Variants in KIF1C observed in about 807,000 individuals in gnomAD.
KIF1C encodes the protein kinesin-like protein KIF1C.
A neutral mutation model predicts 126.5 loss-of-function variants in KIF1C; 61 were observed. That is an observed-to-expected ratio of 0.48 (90% CI 0.39 to 0.60). The LOEUF (loss-of-function observed/expected upper bound fraction) is 0.60, where lower values mean the gene tolerates loss of function less well. Among genes scored for constraint, KIF1C ranks in the 20% least tolerant of loss-of-function variants. The pLI is 0.00. For synonymous variants in KIF1C, 640 were observed against 580.6 expected (o/e 1.10, Z -1.47); for missense variants, 1,315 against 1,489.2 (o/e 0.88, Z 1.93).
chr17:5,020,055 A>T lies in KIF1C; in HGVS notation c.1726A>T (p.Thr576Ser). ...AETYVNGKLV[T>S]EPLVLKSGNR... ...GACATATGTGAATGGGAAGCTTGTG[A>T]CGGAGCCGCTGGTGCTGAAGTCAGG... is the stretch of plus-strand genomic sequence containing the variant. Residue 576 changes from threonine (T) to serine (S), a missense_variant, in exon 19 of 23, where the codon ACG (threonine) becomes TCG (serine). This residue lies in a region of KIF1C where 874 missense variants were observed against 1,053.2 expected (regional missense o/e 0.83). Transcript: ENST00000320785. The surrounding 1 kb of genome is among the most constrained non-coding windows in gnomAD (Gnocchi z 5.8). The T allele has an allele frequency of 6.3e-7, 1 of 1,599,986 alleles. No homozygotes were observed. Among genetic ancestry groups the T allele is most frequent in the East Asian group, 2.3e-5 (1 of 44,382 alleles).
In KIF1C at chr17:5,002,966, T is replaced by C. The variant is rs563854502; in HGVS notation, c.720+124T>C. 30 of 701,566 alleles carry C rather than the reference T, an allele frequency of 4.3e-5. No homozygotes were observed. The South Asian group carries it at 4.9e-4, about 11-fold the overall frequency. The allele number at this position is 701,566 out of a possible 1,614,324, so 43.5% of individuals were successfully genotyped here. On this transcript the variant is annotated intron_variant, in intron 8 of 22. Transcript: ENST00000320785. ...GCTGGGTTGAGTGCCTCCTCAGGAC[T>C]ACCATGACCGCGCCCCACCCCTACC...
Position 5,023,154 on chromosome 17 carries a change from A to G in KIF1C, c.2629-314A>G, listed in dbSNP as rs186544931. Among the ~76,000 whole-genome samples the G allele has an allele frequency of 4.6e-4, 69 of 151,546 alleles. No homozygotes were observed. In the East Asian group the frequency reaches 0.013, roughly 28 times the overall value. On this transcript the variant is annotated intron_variant, in intron 22 of 22. Transcript: ENST00000320785. The surrounding 1 kb of genome is among the most constrained non-coding windows in gnomAD (Gnocchi z 4.2). ...CTCAGCCTCCTGAGTAGCTGGGACT[A>G]CAGGCGCGCACCACCACACCCGGCT...
intron 8 of KIF1C, among the ~76,000 whole-genome samples, chr17:5,003,137 C>T (rs1188401689): frequency 8.6e-5 from 13 of 151,954 alleles, no homozygotes; most frequent in African/African-American, 1.5e-4. Context: ...CTCCACCTCC[C>T]GGGTTCAAGT....
At position 5,022,557 on chromosome 17, in the gene KIF1C, C is replaced by A; in HGVS notation, c.2476C>A (p.Arg826=). The A allele has an allele frequency of 6.3e-7, 1 of 1,591,056 alleles. No individual in the cohort carries two copies. Among genetic ancestry groups the A allele is most frequent in the Non-Finnish European group, 8.6e-7 (1 of 1,168,418 alleles). The change falls in exon 22 of 23, where the codon CGA becomes AGA. Residue 826 remains arginine (R), a synonymous_variant. Coordinates refer to ENST00000320785, the MANE Select transcript of KIF1C (RefSeq NM_006612.6). This position sits in a 1 kb window ranked among gnomAD's most constrained non-coding sequence, Gnocchi z 4.9. ...GSGGGSEEGA[R]GAEVEDLRAH... ...TGGTGGTGGCAGTGAGGAGGGAGCC[C>A]GAGGGGCGGAGGTGGAGGACCTCCG...
chr17:5,001,081 T>G (rs72838327), intron 4 of KIF1C, 141 bp from the exon 5 acceptor site: 3 of 965,502 alleles, frequency 3.1e-6, no homozygotes, highest in Non-Finnish European at 4.8e-6. Context: ...CTTGGGGTGG[T>G]AAGGACAATG....
Position 5,024,221 on chromosome 17 carries a change from C to G in KIF1C, c.*70C>G. 8.6e-7 allele frequency: 1 copy of G among 1,162,878 alleles called. No homozygotes were observed. Among genetic ancestry groups the G allele is most frequent in the Non-Finnish European group, 1.2e-6 (1 of 810,418 alleles). The allele number at this position is 1,162,878 out of a possible 1,614,324, so 72.0% of individuals were successfully genotyped here. A position where few individuals can be genotyped will look rare whatever the true frequency, so the allele number is the denominator to read the frequency against. On this transcript the variant is annotated 3_prime_UTR_variant, in exon 23 of 23. Coordinates refer to ENST00000320785, the MANE Select transcript of KIF1C (RefSeq NM_006612.6). ...AGAAGGGAAGACGCCCGAGACGCTG[C>G]TTCCCCAGAAGTGCTGGGGCAGGGA...
At chr17:5,018,597 G>A (rs1443379171) in intron 18 of KIF1C, among the ~76,000 whole-genome samples, 1 of 151,854 alleles carries the variant, frequency 6.6e-6, no homozygotes, top group African/African-American at 2.4e-5. Flanking sequence ...GCTGAGGCAG[G>A]AGAATTGCTT....
At chr17:5,003,165 C>T (rs1318416641) in intron 8 of KIF1C, among the ~76,000 whole-genome samples, 1 of 152,152 alleles carries the variant, frequency 6.6e-6, no homozygotes, top group Non-Finnish European at 1.5e-5. Context: ...CTGCCTCAGC[C>T]TCCCGAGTAC....
At chr17:4,999,407 C>T (rs1974508177) in intron 1 of KIF1C, among the ~76,000 whole-genome samples, 1 of 152,176 alleles carries the variant, frequency 6.6e-6, no homozygotes, top group African/African-American at 2.4e-5. Context: ...AGTTCCCCAC[C>T]CTGTCTCTTT....
At position 5,007,300 on chromosome 17, in the gene KIF1C, G is replaced by T; in HGVS notation, c.1373G>T (p.Trp458Leu). Residue 458 changes from tryptophan to leucine, a missense_variant, in exon 15 of 23, where the codon TGG becomes TTG. Physicochemically the swap from Trp to Leu is moderately conservative, Grantham distance 61 (BLOSUM62 -2). Transcript: ENST00000320785. ...EKIIAELNET[W>L]EEKLRKTEAL... The stretch of plus-strand genomic sequence containing the variant: ...ATTATAGCTGAGCTGAACGAGACAT[G>T]GGAGGAGAAGCTACGCAAGACAGAA... The T allele has an allele frequency of 6.2e-7, 1 of 1,612,792 alleles. No homozygotes were observed. Among genetic ancestry groups the T allele is most frequent in the East Asian group, 2.2e-5 (1 of 44,826 alleles).
rs1974762795 is a variant in KIF1C at position 5,007,488 on chromosome 17, G to T, written c.1437G>T (p.Met479Ile). 6.3e-7 allele frequency: 1 copy of T among 1,581,470 alleles called. No individual in the cohort carries two copies. The highest frequency in any genetic ancestry group is 8.6e-7 in the Non-Finnish European group (1 of 1,163,740). ...ACAGAGAAGCATTGCTGGCTGAGAT[G>T]GGGGTGGCCGTCCGGGAGGATGGGG... ...RMEREALLAEMGVAVREDGGT... is the reference protein window; with the variant it reads ...RMEREALLAEIGVAVREDGGT... The change falls in exon 16 of 23, where the codon ATG becomes ATT. Residue 479 changes from methionine to isoleucine, a missense_variant. Transcript: ENST00000320785.
rs935738612 is a variant in KIF1C at position 5,024,354 on chromosome 17, A to G, written c.*203A>G. On this transcript the variant is annotated 3_prime_UTR_variant, in exon 23 of 23. Transcript: ENST00000320785. ...GGCACGGAGTTGCCAGGAGCAAACCAAAGTGAAGAGAGAGATAGGAAGCTG... is the reference window on the plus strand; with the variant it reads ...GGCACGGAGTTGCCAGGAGCAAACCGAAGTGAAGAGAGAGATAGGAAGCTG... The G allele has an allele frequency of 2.1e-6, 1 of 467,684 alleles. No homozygotes were observed. The highest frequency in any genetic ancestry group is 3.8e-6 in the Non-Finnish European group (1 of 265,216). The allele number at this position is 467,684 out of a possible 1,614,324, so 29.0% of individuals were successfully genotyped here.
Position 5,020,372 on chromosome 17 carries a change from C to T in KIF1C, c.1751-120C>T, listed in dbSNP as rs1975060713. ...AGCATAGGCTCCAACTGCCTTCAGA[C>T]TTGGGGTGATGAAGGGGAGGGTGTC... On this transcript the variant is annotated intron_variant, in intron 19 of 22. Coordinates refer to ENST00000320785, the MANE Select transcript of KIF1C (RefSeq NM_006612.6). The surrounding 1 kb of genome is among the most constrained non-coding windows in gnomAD (Gnocchi z 5.8). 1 of 1,051,420 alleles carries T rather than the reference C, an allele frequency of 9.5e-7. No homozygotes were observed. Among genetic ancestry groups the T allele is most frequent in the African/African-American group, 1.6e-5 (1 of 62,194 alleles). 65.1% of individuals were successfully genotyped at this position (1,051,420 alleles called of 1,614,324 possible). A position where few individuals can be genotyped will look rare whatever the true frequency, so the allele number is the denominator to read the frequency against.
chr17:5,017,316 T>G, intron 18 of KIF1C, among the ~76,000 whole-genome samples: 1 of 147,816 alleles, frequency 6.8e-6, no homozygotes, highest in African/African-American at 2.5e-5. Context: ...TTTTTTTTTT[T>G]TGAGACGGAG....
intron 16 of KIF1C, among the ~76,000 whole-genome samples, chr17:5,007,795 A>G (rs1157729324): frequency 2.0e-5 from 3 of 152,200 alleles, no homozygotes; most frequent in African/African-American, 4.8e-5. Context: ...GTTGGTTGCA[A>G]TAGAGCATGC....
rs1412251453 is a variant in KIF1C, at chr17:5,003,608, C to T, written c.721-4C>T. 1.9e-6 allele frequency: 3 copies of T among 1,609,930 alleles called. No homozygotes were observed. Among genetic ancestry groups the T allele is most frequent in the Admixed American group, 1.7e-5 (1 of 59,640 alleles). On this transcript the variant is annotated splice_region_variant and splice_polypyrimidine_tract_variant and intron_variant, in intron 8 of 22. Transcript: ENST00000320785. ...TATCTCCTGCCTGTTTCCTCTGACC[C>T]CAGGTCAGTAAGATCAGTTTGGTGG...
Position 5,005,092 on chromosome 17 carries a change from G to A in KIF1C, c.1165+92G>A. Reference sequence around the variant, plus strand: ...TTTGCCCAGTCCTGGAGCCAGGGAGGGACCACACACTATGAAACCTTTCAT... The same window carrying A: ...TTTGCCCAGTCCTGGAGCCAGGGAGAGACCACACACTATGAAACCTTTCAT... On this transcript the variant is annotated intron_variant, in intron 13 of 22. Coordinates refer to ENST00000320785, the MANE Select transcript of KIF1C (RefSeq NM_006612.6). The A allele has an allele frequency of 2.0e-6, 3 of 1,513,090 alleles. No homozygotes were observed. The South Asian group carries it at 3.5e-5, about 18-fold the overall frequency. The allele number at this position is 1,513,090 out of a possible 1,614,324, so 93.7% of individuals were successfully genotyped here. A position where few individuals can be genotyped will look rare whatever the true frequency, so the allele number is the denominator to read the frequency against.
In KIF1C at chr17:5,004,598, C is replaced by T; in HGVS notation, c.972C>T (p.Ala324=). ...GGNSRTAMIA[A]LSPADINYEE... ...ACTCACGCACAGCCATGATTGCAGC[C>T]CTGAGCCCTGCTGACATCAATTACG... The change falls in exon 12 of 23, where the codon GCC becomes GCT. Residue 324 remains alanine, a synonymous_variant. Transcript: ENST00000320785. The T allele has an allele frequency of 6.2e-7, 1 of 1,614,178 alleles. No individual in the cohort carries two copies. The highest frequency in any genetic ancestry group is 8.5e-7 in the Non-Finnish European group (1 of 1,180,040).
In KIF1C at chr17:5,024,293, G is replaced by T; in HGVS notation, c.*142G>T. 1 of 612,756 alleles carries T rather than the reference G, an allele frequency of 1.6e-6. No homozygotes were observed. The allele number at this position is 612,756 out of a possible 1,614,324, so 38.0% of individuals were successfully genotyped here. Reference sequence around the variant, plus strand: ...GGTCCGAGTAGGTGATAGAAGACAAGGGGGAGACCGAGCCGGAGGCTGAGG... The same window carrying T: ...GGTCCGAGTAGGTGATAGAAGACAATGGGGAGACCGAGCCGGAGGCTGAGG... On this transcript the variant is annotated 3_prime_UTR_variant, in exon 23 of 23. Transcript: ENST00000320785.
Sources: allele counts gnomAD v4.1 joint callset (sites outside exome capture counted in the v4.1 genomes callset), GRCh38; gene constraint gnomAD v4.1.1; regional missense constraint gnomAD v4.1.1; non-coding constraint Gnocchi (gnomAD v3.1); transcripts MANE v1.5; gene names NCBI Gene and HGNC (gene_info 2026-07-23, HGNC 2026-07-21).